Variants in LAMA3 observed in about 807,000 individuals in gnomAD.
LAMA3 encodes the protein laminin subunit alpha-3.
LAMA3 carries 281 observed loss-of-function variants against 402.0 expected under a neutral mutation model. The observed-to-expected ratio is 0.70, with a 90% CI of 0.63 to 0.77. LAMA3 has a LOEUF of 0.77. Among genes scored for constraint, LAMA3 ranks in the 30% least tolerant of loss-of-function variants. LAMA3 has a pLI of 0.00. For synonymous variants in LAMA3, 1,431 were observed against 1,558.4 expected, an observed-to-expected ratio of 0.92 and a Z score of 1.93; for missense variants, 3,840 against 4,215.5, an observed-to-expected ratio of 0.91 and a Z score of 2.47.
chr18:23,951,556 G>T, intron 72 of LAMA3, 128 bp from the exon 73 acceptor site: 1 of 709,440 alleles, frequency 1.4e-6, no homozygotes, highest in Non-Finnish European at 2.6e-6. Context: ...CTTCAAAAGC[G>T]GAGGAGGGCC....
intron 2 of LAMA3, among the ~76,000 whole-genome samples, chr18:23,715,176 T>C (rs954787233): frequency 1.2e-4 from 18 of 151,962 alleles, no homozygotes; most frequent in African/African-American, 4.1e-4. Flanking sequence ...TGTTCTAAAA[T>C]TGATGATGAT....
rs1470048077 is a variant in LAMA3, at chr18:23,904,610, C to T, written c.6531C>T (p.Thr2177=). Residue 2177 remains threonine (T), a synonymous_variant, in exon 51 of 75, where the codon ACC becomes ACT. Transcript: ENST00000313654. ...ELVRCAVDAA[T]AYENILNAIK... ...TGCGCTGTGCTGTGGATGCCGCCAC[C>T]GCCTACGAGAACATCCTCAATGCCA... is the stretch of plus-strand genomic sequence containing the variant. The T allele has an allele frequency of 4.3e-6, 7 of 1,613,072 alleles. No homozygotes were observed. The highest frequency in any genetic ancestry group is 2.2e-5 in the South Asian group (2 of 90,814).
chr18:23,881,853 C>T (rs1319019559), intron 39 of LAMA3, 83 bp from the exon 40 acceptor site: 39 of 873,372 alleles, frequency 4.5e-5, no homozygotes. Flanking sequence ...GAGTTGTAGT[C>T]ATGTGACTAA....
intron 41 of LAMA3, among the ~76,000 whole-genome samples, chr18:23,888,417 T>A (rs948218528): frequency 1.3e-5 from 2 of 152,262 alleles, no homozygotes; most frequent in Non-Finnish European, 2.9e-5. Flanking sequence ...ATAGGTATTA[T>A]TAGTCCACTC....
intron 2 of LAMA3, among the ~76,000 whole-genome samples, chr18:23,722,648 A>C (rs1299960623): frequency 6.6e-6 from 1 of 152,240 alleles, no homozygotes; most frequent in Admixed American, 6.5e-5. Flanking sequence ...CTTCCAAAAC[A>C]CTCAGTAGGC....
intron 1 of LAMA3, among the ~76,000 whole-genome samples, chr18:23,703,075 GGT>G: frequency 6.6e-6 from 1 of 152,206 alleles, no homozygotes; most frequent in Non-Finnish European, 1.5e-5. Flanking sequence ...TATGGCTAGT[GGT>G]GCACCCATAT....
chr18:23,894,306 A>C lies in LAMA3; in HGVS notation c.5419A>C (p.Asn1807His), dbSNP rs1178298364. ...TTATTTTCTGATTTTAGACTGCATA[A>C]ACCAAGAACCCAAAGATAGCAGCCC... ...SCHPLTGDCINQEPKDSSPAE... is the reference protein window; with the variant it reads ...SCHPLTGDCIHQEPKDSSPAE... Residue 1807 changes from asparagine (N) to histidine (H), a missense_variant, in exon 43 of 75, where the codon AAC becomes CAC. Physicochemically the swap from Asn to His is moderately conservative, Grantham distance 68 (BLOSUM62 1). Coordinates refer to ENST00000313654, the MANE Select transcript of LAMA3 (RefSeq NM_198129.4). 6.2e-7 allele frequency: 1 copy of C among 1,612,836 alleles called. No homozygotes were observed. Among genetic ancestry groups the C allele is most frequent in the Admixed American group, 1.7e-5 (1 of 60,006 alleles).
intron 1 of LAMA3, among the ~76,000 whole-genome samples, chr18:23,705,216 T>C (rs1483560530): frequency 6.6e-6 from 1 of 152,208 alleles, no homozygotes; most frequent in Non-Finnish European, 1.5e-5. Context: ...GGATGAATAA[T>C]TGAACATGGG....
chr18:23,712,155 C>T (rs754255372), intron 1 of LAMA3, among the ~76,000 whole-genome samples: 86 of 152,006 alleles, frequency 5.7e-4, no homozygotes, highest in Non-Finnish European at 9.4e-4. Context: ...CCGAGGCAGG[C>T]GGATCACCTG....
At chr18:23,895,120 CAT>C (rs1427201460) in intron 44 of LAMA3, 62 bp downstream of exon 44, 6 of 1,530,104 alleles carry the variant, frequency 3.9e-6, no homozygotes, top group Middle Eastern at 1.7e-4. Flanking sequence ...GTGGATTCTC[CAT>C]AAGCAGGAAG....
At chr18:23,751,702 G>A (rs1372751005) in intron 5 of LAMA3, among the ~76,000 whole-genome samples, 2 of 152,172 alleles carry the variant, frequency 1.3e-5, no homozygotes, top group Non-Finnish European at 2.9e-5. Flanking sequence ...AGGCACATAG[G>A]TATTGGTGAG....
At chr18:23,917,734 T>A (rs960980089) in intron 60 of LAMA3, among the ~76,000 whole-genome samples, 39 of 152,194 alleles carry the variant, frequency 2.6e-4, no homozygotes, top group African/African-American at 9.4e-4. Flanking sequence ...TTATTTAAGT[T>A]CTGATAGATT....
At chr18:23,810,991 T>C (rs2063058502) in intron 13 of LAMA3, among the ~76,000 whole-genome samples, 1 of 152,188 alleles carries the variant, frequency 6.6e-6, no homozygotes, top group African/African-American at 2.4e-5. Context: ...TGCCCTCCTC[T>C]GGCCTTCTGG....
At chr18:23,842,118 C>G (rs1206080314) in intron 27 of LAMA3, among the ~76,000 whole-genome samples, 1 of 152,038 alleles carries the variant, frequency 6.6e-6, no homozygotes, top group African/African-American at 2.4e-5. Flanking sequence ...CAAATTATAC[C>G]CCCTCCAACA....
chr18:23,733,268 G>C (rs141459212), intron 2 of LAMA3, among the ~76,000 whole-genome samples: 9 of 152,272 alleles, frequency 5.9e-5, no homozygotes, highest in African/African-American at 2.2e-4. Context: ...AAGTGTATTA[G>C]TCCGTTTTCA....
intron 58 of LAMA3, 37 bp from the exon 59 acceptor site, chr18:23,915,252 T>C (rs1380961900): frequency 1.2e-6 from 2 of 1,607,782 alleles, no homozygotes; most frequent in Non-Finnish European, 1.7e-6. Flanking sequence ...TATTGTCCTT[T>C]GTTCAATTGG....
chr18:23,906,202 A>G (rs1384683253), intron 52 of LAMA3, among the ~76,000 whole-genome samples: 3 of 152,154 alleles, frequency 2.0e-5, no homozygotes, highest in African/African-American at 7.2e-5. Context: ...TGATAGGCCT[A>G]TTTGGGCCTG....
intron 2 of LAMA3, among the ~76,000 whole-genome samples, chr18:23,716,280 C>A (rs995360504): frequency 6.6e-6 from 1 of 152,158 alleles, no homozygotes; most frequent in Admixed American, 6.5e-5. Context: ...GCGTCAGCCT[C>A]CCAAGTAGCT....
intron 27 of LAMA3, among the ~76,000 whole-genome samples, chr18:23,840,240 T>C (rs986347014): frequency 3.3e-5 from 5 of 152,206 alleles, no homozygotes; most frequent in African/African-American, 9.6e-5. Context: ...CACTAGATAT[T>C]TGGCAATTAT....
Sources: gnomAD v4.1 joint callset for allele counts (sites outside exome capture counted in the v4.1 genomes callset) on GRCh38, gnomAD v4.1.1 for gene constraint, MANE v1.5 for transcripts, NCBI Gene and HGNC (gene_info 2026-07-23, HGNC 2026-07-21) for gene names.